DOCK2: variants seen among roughly 807,000 people sequenced by gnomAD.
DOCK2 encodes the protein dedicator of cytokinesis protein 2.
In DOCK2, 87 loss-of-function variants were observed where a neutral mutation model predicts 248.9. The ratio of observed to expected loss-of-function variants is 0.35; its 90% confidence interval spans 0.29 to 0.42. DOCK2 has a LOEUF of 0.42. Ranked by LOEUF, DOCK2 falls within the 10% of genes least tolerant of loss-of-function variation. The probability of loss-of-function intolerance (pLI) is 1.00; values close to 1 mark genes in which losing one functional copy is unlikely to be tolerated. For synonymous variants in DOCK2, 805 were observed against 821.6 expected, an observed-to-expected ratio of 0.98 and a Z score of 0.35; for missense variants, 1,747 against 2,300.2, an observed-to-expected ratio of 0.76 and a Z score of 4.92.
chr5:169,735,086 T>C (rs1762966611), intron 22 of DOCK2, among the ~76,000 whole-genome samples: 1 of 152,222 alleles, frequency 6.6e-6, no homozygotes, highest in African/African-American at 2.4e-5. Flanking sequence ...CTGTCAGAAA[T>C]GGAAGTCTTT....
At chr5:169,661,332 T>C (rs2113226785) in intron 2 of DOCK2, among the ~76,000 whole-genome samples, 1 of 152,362 alleles carries the variant, frequency 6.6e-6, no homozygotes, top group South Asian at 2.1e-4. Context: ...TGTATATGTT[T>C]AAGGTATACA....
intron 47 of DOCK2, 25 bp downstream of exon 47, chr5:170,076,109 A>G (rs1381561940): frequency 5.1e-6 from 4 of 786,232 alleles, no homozygotes; most frequent in South Asian, 1.3e-5. Flanking sequence ...TATGGCTTGG[A>G]GGGGTGGGAT....
rs534545215 is a variant in DOCK2 at position 169,692,733 on chromosome 5, C to T, written c.844-3070C>T. On this transcript the variant is annotated intron_variant, in intron 9 of 51. Transcript: ENST00000520908. Reference sequence around the variant, plus strand: ...CAAACAAGAGAAATGTATTTTCTCACAATTCTGGAGTCTAGAAGTCTGAGA... The same window carrying T: ...CAAACAAGAGAAATGTATTTTCTCATAATTCTGGAGTCTAGAAGTCTGAGA... 4.6e-5 allele frequency among the ~76,000 whole-genome samples: 7 copies of T among 152,262 alleles called. No homozygotes were observed. In the South Asian group the frequency reaches 1.5e-3, roughly 32 times the overall value.
At chr5:169,953,483 T>G (rs1272797149) in intron 27 of DOCK2, among the ~76,000 whole-genome samples, 1 of 152,136 alleles carries the variant, frequency 6.6e-6, no homozygotes, top group African/African-American at 2.4e-5. Flanking sequence ...GTTTATGAAA[T>G]GGAGGTCTTG....
intron 26 of DOCK2, among the ~76,000 whole-genome samples, chr5:169,838,582 T>A (rs1189879585): frequency 6.6e-6 from 1 of 152,158 alleles, no homozygotes; most frequent in African/African-American, 2.4e-5. Context: ...GAGAGGTTCA[T>A]CTTTGGGCCA....
At chr5:169,888,762 T>G (rs1773119535) in intron 27 of DOCK2, among the ~76,000 whole-genome samples, 2 of 152,326 alleles carry the variant, frequency 1.3e-5, no homozygotes, top group South Asian at 4.1e-4. Context: ...TGAAATAATC[T>G]ATATGAAATG....
intron 26 of DOCK2, among the ~76,000 whole-genome samples, chr5:169,809,897 C>G (rs1561719268): frequency 1.3e-5 from 2 of 152,168 alleles, no homozygotes; most frequent in African/African-American, 2.4e-5. Flanking sequence ...TTAAATGTGA[C>G]TCTCCTGAGA....
At chr5:169,778,416 G>A (rs895021102) in intron 25 of DOCK2, among the ~76,000 whole-genome samples, 6 of 152,180 alleles carry the variant, frequency 3.9e-5, no homozygotes, top group Admixed American at 2.0e-4. Context: ...GGATTTGGAA[G>A]AACTGGGATG....
intron 1 of DOCK2, among the ~76,000 whole-genome samples, chr5:169,643,502 A>C (rs1379470312): frequency 6.6e-6 from 1 of 152,104 alleles, no homozygotes; most frequent in African/African-American, 2.4e-5. Context: ...GGAGCATACA[A>C]CCCAGATCCC....
intron 26 of DOCK2, among the ~76,000 whole-genome samples, chr5:169,840,364 C>G (rs545859021): frequency 7.9e-5 from 12 of 152,310 alleles, no homozygotes; most frequent in Admixed American, 5.2e-4. Flanking sequence ...GGCCCCACCT[C>G]CAACACTGGG....
intron 34 of DOCK2, among the ~76,000 whole-genome samples, 156 bp from the exon 35 acceptor site, chr5:170,034,243 T>C (rs1756242666): frequency 6.6e-6 from 1 of 152,174 alleles, no homozygotes; most frequent in Non-Finnish European, 1.5e-5. Flanking sequence ...ATTGCTGCAC[T>C]ATATGGATAA....
intron 26 of DOCK2, among the ~76,000 whole-genome samples, chr5:169,806,431 C>T (rs1048624940): frequency 3.9e-5 from 6 of 151,968 alleles, no homozygotes; most frequent in Non-Finnish European, 5.9e-5. Flanking sequence ...TTACAAGCCA[C>T]CCGGGGAGCT....
chr5:169,991,290 G>A (rs1047056170), intron 29 of DOCK2, among the ~76,000 whole-genome samples: 3 of 152,226 alleles, frequency 2.0e-5, no homozygotes, highest in Non-Finnish European at 4.4e-5. Context: ...GGAAACTGGG[G>A]ACTTGAGCCA....
At chr5:169,880,789 G>T (rs993237771) in intron 27 of DOCK2, among the ~76,000 whole-genome samples, 5 of 152,304 alleles carry the variant, frequency 3.3e-5, no homozygotes, top group African/African-American at 9.6e-5. Flanking sequence ...TTGACTCCAA[G>T]TTTACACTGT....
At chr5:169,782,402 C>T (rs1433271473) in intron 25 of DOCK2, among the ~76,000 whole-genome samples, 2 of 152,028 alleles carry the variant, frequency 1.3e-5, no homozygotes. Context: ...GATCAGGTTC[C>T]TTGCAGCTGT....
At chr5:169,808,444 T>G (rs1767536335) in intron 26 of DOCK2, among the ~76,000 whole-genome samples, 1 of 152,060 alleles carries the variant, frequency 6.6e-6, no homozygotes, top group Non-Finnish European at 1.5e-5. Flanking sequence ...GGGGGAGATG[T>G]CTGCCTTAGC....
At chr5:170,031,592 A>G (rs577249147) in intron 34 of DOCK2, among the ~76,000 whole-genome samples, 1 of 152,358 alleles carries the variant, frequency 6.6e-6, no homozygotes, top group South Asian at 2.1e-4. Flanking sequence ...GGAAGTACTC[A>G]ATAAGTGGTA....
chr5:170,075,783 C>G (rs1277887308), intron 46 of DOCK2, 164 bp from the exon 47 acceptor site: 1 of 888,962 alleles, frequency 1.1e-6, no homozygotes, highest in East Asian at 2.5e-5. Context: ...GCAACTTTCC[C>G]CATTTCCCAT....
chr5:170,082,099 G>A, intron 51 of DOCK2, 115 bp downstream of exon 51: 1 of 1,415,642 alleles, frequency 7.1e-7, no homozygotes, highest in Non-Finnish European at 9.5e-7. Flanking sequence ...TTCCTAGGGA[G>A]GCATAGTCAG....
Sources: gnomAD v4.1 joint callset for allele counts (sites outside exome capture counted in the v4.1 genomes callset) on GRCh38, gnomAD v4.1.1 for gene constraint, MANE v1.5 for transcripts, NCBI Gene and HGNC (gene_info 2026-07-23, HGNC 2026-07-21) for gene names.